SPC24: variants seen among roughly 807,000 people sequenced by gnomAD.
SPC24 encodes kinetochore protein Spc24.
A neutral mutation model predicts 27.6 loss-of-function variants in SPC24; 31 were observed. The observed-to-expected ratio is 1.12, with a 90% confidence interval of 0.84 to 1.52. The LOEUF is 1.52. SPC24 is among the 40% of genes most tolerant of loss of function. The pLI, the probability that SPC24 is intolerant of heterozygous loss-of-function variation, is 0.00. For missense variants in SPC24, 284 were observed against 252.5 expected, an observed-to-expected ratio of 1.12 and a Z score of -0.84; for synonymous variants, 105 against 105.8, an observed-to-expected ratio of 0.99 and a Z score of 0.05.
intron 1 of SPC24, 125 bp from the exon 2 acceptor site, chr19:11,149,363 G>T: frequency 1.2e-6 from 1 of 812,654 alleles, no homozygotes. Flanking sequence ...TGTGTCCAGA[G>T]AGTTCTACTG....
Position 11,147,268 on chromosome 19 carries a change from G to A in SPC24, c.509C>T (p.Ala170Val). 6.4e-7 allele frequency: 1 copy of A among 1,567,144 alleles called. No individual in the cohort carries two copies. Among genetic ancestry groups the A allele is most frequent in the South Asian group, 1.2e-5 (1 of 85,160 alleles). Reference protein sequence around the residue: ...VKGIHHGPSVAQPIHLDSTQL... With the variant: ...VKGIHHGPSVVQPIHLDSTQL... Reference sequence around the variant, plus strand: ...GGTGCTGTCCAGGTGGATGGGCTGGGCCACACTGGGGCCATGATGGACTGA... The same window carrying A: ...GGTGCTGTCCAGGTGGATGGGCTGGACCACACTGGGGCCATGATGGACTGA... The change falls in exon 5 of 5, where the codon GCC (alanine) becomes GTC (valine). Residue 170 changes from alanine (A) to valine (V), a missense_variant. Transcript: ENST00000592540.
intron 1 of SPC24, among the ~76,000 whole-genome samples, chr19:11,150,915 G>T (rs570907670): frequency 6.6e-6 from 1 of 152,214 alleles, no homozygotes; most frequent in Non-Finnish European, 1.5e-5. Context: ...TGTAATCCCA[G>T]CACTTTGGGA....
chr19:11,153,991 G>A (rs965753192), intron 1 of SPC24, among the ~76,000 whole-genome samples: 9 of 151,578 alleles, frequency 5.9e-5, no homozygotes, highest in Non-Finnish European at 1.2e-4. Context: ...GGAGAATGGC[G>A]TGAACCCAGG....
chr19:11,146,588 A>AC lies in SPC24; in HGVS notation c.*594dup, dbSNP rs1478595265. ...AGACCATCCTGTCTAACATGGTGAAACCCCGTCTCTACTAAAAATACAAAA... is the reference window on the plus strand; with the variant it reads ...AGACCATCCTGTCTAACATGGTGAAACCCCCGTCTCTACTAAAAATACAAAA... On this transcript the variant is annotated 3_prime_UTR_variant, in exon 5 of 5. Transcript: ENST00000592540. 1.3e-5 allele frequency: 2 copies of AC among 148,734 alleles called. No homozygotes were observed. The highest frequency in any genetic ancestry group is 5.0e-5 in the African/African-American group (2 of 40,120). The allele number at this position is 148,734 out of a possible 1,614,324, so 9.2% of individuals were successfully genotyped here.
chr19:11,147,289 A>G lies in SPC24; in HGVS notation c.488T>C (p.Ile163Thr). 1 of 1,561,090 alleles carries G rather than the reference A, an allele frequency of 6.4e-7. No individual in the cohort carries two copies. Among genetic ancestry groups the G allele is most frequent in the Non-Finnish European group, 8.7e-7 (1 of 1,151,560 alleles). ...YECEPGMVKGIHHGPSVAQPI... is the reference protein window; with the variant it reads ...YECEPGMVKGTHHGPSVAQPI... Reference sequence around the variant, plus strand: ...CTGGGCCACACTGGGGCCATGATGGACTGAGGCACAGATGTAAGGAAAGCC... The same window carrying G: ...CTGGGCCACACTGGGGCCATGATGGGCTGAGGCACAGATGTAAGGAAAGCC... The change falls in exon 5 of 5, where the codon ATC becomes ACC. Residue 163 changes from isoleucine (I) to threonine (T), a missense_variant and splice_region_variant. Ile to Thr is a moderately conservative substitution (Grantham distance 89, BLOSUM62 -1). Coordinates refer to ENST00000592540, the MANE Select transcript of SPC24 (RefSeq NM_182513.4).
chr19:11,153,434 G>A (rs188616372), intron 1 of SPC24, among the ~76,000 whole-genome samples: 13 of 151,178 alleles, frequency 8.6e-5, no homozygotes, highest in Non-Finnish European at 1.6e-4. Flanking sequence ...GGGTGACAGA[G>A]CGAGACTCCA....
intron 1 of SPC24, among the ~76,000 whole-genome samples, chr19:11,150,544 C>T (rs571031918): frequency 2.6e-5 from 4 of 151,910 alleles, no homozygotes; most frequent in Non-Finnish European, 5.9e-5. Context: ...TGCCTGGAAT[C>T]CCAGCACTTT....
At chr19:11,154,030 C>T (rs57349543) in intron 1 of SPC24, among the ~76,000 whole-genome samples, 17,897 of 151,648 alleles carry the variant, frequency 0.12, 1,418 homozygotes, top group African/African-American at 0.23. Flanking sequence ...GCCAAGATTG[C>T]GCCACTGCAC....
At chr19:11,151,732 C>G (rs556950841) in intron 1 of SPC24, among the ~76,000 whole-genome samples, 1 of 151,816 alleles carries the variant, frequency 6.6e-6, no homozygotes, top group Non-Finnish European at 1.5e-5. Flanking sequence ...GCCTCAGCCT[C>G]CTGAGTAGCT....
intron 1 of SPC24, among the ~76,000 whole-genome samples, chr19:11,149,643 G>T (rs1363956368): frequency 6.6e-6 from 1 of 151,914 alleles, no homozygotes; most frequent in Non-Finnish European, 1.5e-5. Context: ...AACTTTCGGA[G>T]GCCGAAGTGG....
rs751263337 is a variant in SPC24 at position 11,149,192 on chromosome 19, C to T, written c.207G>A (p.Ala69=). Residue 69 remains alanine (A), a synonymous_variant, in exon 2 of 5, where the codon GCG becomes GCA. Coordinates refer to ENST00000592540, the MANE Select transcript of SPC24 (RefSeq NM_182513.4). ...CGCCTCCCTGGTGCACCTGCTCCTT[C>T]GCATTGAGAAGGCTCTGGGCCACTT... ...EKEVAQSLLN[A]KEQVHQGGVE... 2.6e-6 allele frequency: 4 copies of T among 1,550,762 alleles called. No homozygotes were observed. Among genetic ancestry groups the T allele is most frequent in the Non-Finnish European group, 3.5e-6 (4 of 1,146,794 alleles).
intron 2 of SPC24, 76 bp from the exon 3 acceptor site, chr19:11,148,193 G>T: frequency 2.1e-6 from 2 of 951,308 alleles, no homozygotes; most frequent in Non-Finnish European, 3.3e-6. Flanking sequence ...GAGGCCCAGG[G>T]TCTTGGCTCT....
At chr19:11,155,543 G>T in intron 1 of SPC24, 74 bp downstream of exon 1, 1 of 1,469,772 alleles carries the variant, frequency 6.8e-7, no homozygotes, top group Non-Finnish European at 9.0e-7. Context: ...GGGGTTTTGA[G>T]GTGGGCCTGG....
chr19:11,155,716 T>A lies in SPC24; in HGVS notation c.61A>T (p.Asn21Tyr). The A allele has an allele frequency of 6.3e-7, 1 of 1,577,000 alleles. No individual in the cohort carries two copies. The highest frequency in any genetic ancestry group is 1.4e-5 in the African/African-American group (1 of 73,782). ...SQGLLSLLGA[N>Y]RAEAQQRRLL... Reference sequence around the variant, plus strand: ...CGTCGCTGCTGCGCCTCCGCGCGGTTGGCGCCCAGCAGGCTGAGCAGCCCC... The same window carrying A: ...CGTCGCTGCTGCGCCTCCGCGCGGTAGGCGCCCAGCAGGCTGAGCAGCCCC... The change falls in exon 1 of 5, where the codon AAC becomes TAC. Residue 21 changes from asparagine to tyrosine, a missense_variant. Coordinates refer to ENST00000592540, the MANE Select transcript of SPC24 (RefSeq NM_182513.4).
chr19:11,148,666 G>A (rs1297087951), intron 2 of SPC24, among the ~76,000 whole-genome samples: 2 of 151,874 alleles, frequency 1.3e-5, no homozygotes, highest in South Asian at 4.2e-4. Context: ...TTGATTGATT[G>A]AGACAGAGTC....
chr19:11,147,747 T>C, intron 4 of SPC24, 71 bp downstream of exon 4: 1 of 1,369,210 alleles, frequency 7.3e-7, no homozygotes, highest in Non-Finnish European at 1.0e-6. Flanking sequence ...TTTTACAGGG[T>C]CCTGCTATGC....
intron 1 of SPC24, among the ~76,000 whole-genome samples, chr19:11,155,375 G>A (rs1450495623): frequency 6.6e-6 from 1 of 152,118 alleles, no homozygotes; most frequent in Non-Finnish European, 1.5e-5. Context: ...GAGCTCAGAA[G>A]GGGCCAACCC....
Position 11,146,732 on chromosome 19 carries a change from C to A in SPC24, c.*451G>T, listed in dbSNP as rs377581589. On this transcript the variant is annotated 3_prime_UTR_variant, in exon 5 of 5. Transcript: ENST00000592540. ...GCAGTGAGCTGAGATCGCACCACTGCACTCCAGCCTGGGCGACAGAGTGAG... is the reference window on the plus strand; with the variant it reads ...GCAGTGAGCTGAGATCGCACCACTGAACTCCAGCCTGGGCGACAGAGTGAG... The A allele has an allele frequency of 6.8e-6, 1 of 147,570 alleles. No individual in the cohort carries two copies. The highest frequency in any genetic ancestry group is 2.0e-4 in the East Asian group (1 of 4,994). 9.1% of individuals were successfully genotyped at this position (147,570 alleles called of 1,614,324 possible).
intron 4 of SPC24, 34 bp downstream of exon 4, chr19:11,147,784 C>T (rs757339329): frequency 3.7e-5 from 58 of 1,581,060 alleles, no homozygotes; most frequent in Non-Finnish European, 4.8e-5. Flanking sequence ...ACCTACAGTG[C>T]ACAAGGGTTA....
Sources: allele counts gnomAD v4.1 joint callset (sites outside exome capture counted in the v4.1 genomes callset), GRCh38; gene constraint gnomAD v4.1.1; transcripts MANE v1.5; gene names NCBI Gene and HGNC (gene_info 2026-07-23, HGNC 2026-07-21).